Variants in CELF4 observed in about 807,000 individuals in gnomAD.
The protein encoded by CELF4 is CUG-BP- and ETR-3-like factor 4.
A neutral mutation model predicts 59.9 loss-of-function variants in CELF4; 18 were observed. The observed-to-expected ratio is 0.30, with a 90% CI of 0.21 to 0.45. CELF4 has a LOEUF of 0.45. Ranked by LOEUF, CELF4 falls within the 20% of genes least tolerant of loss-of-function variation. The pLI, the probability that CELF4 is intolerant of heterozygous loss-of-function variation, is 1.00. For missense variants in CELF4, 456 were observed against 689.0 expected (o/e 0.66, Z 3.79); for synonymous variants, 261 against 267.1 (o/e 0.98, Z 0.22).
At chr18:37,373,894 G>A (rs755483089) in intron 2 of CELF4, among the ~76,000 whole-genome samples, 8 of 152,202 alleles carry the variant, frequency 5.3e-5, no homozygotes, top group African/African-American at 1.4e-4. Context: ...AGCTGCCTGC[G>A]GACTCCCAGC....
chr18:37,267,487 G>A (rs2078224004), intron 8 of CELF4, among the ~76,000 whole-genome samples: 1 of 152,194 alleles, frequency 6.6e-6, no homozygotes, highest in Non-Finnish European at 1.5e-5. Context: ...ATGTGGGAGT[G>A]GGCTGGCTTT....
intron 1 of CELF4, among the ~76,000 whole-genome samples, chr18:37,495,271 C>G (rs1020472057): frequency 6.6e-6 from 1 of 152,134 alleles, no homozygotes; most frequent in Non-Finnish European, 1.5e-5. Context: ...CCAAAACCAT[C>G]GCTAAATTAC....
chr18:37,468,776 G>C (rs529425714), intron 2 of CELF4, among the ~76,000 whole-genome samples: 7 of 152,232 alleles, frequency 4.6e-5, no homozygotes, highest in African/African-American at 1.4e-4. Flanking sequence ...AGGGGAGAGA[G>C]AGCGAATGAG....
intron 1 of CELF4, among the ~76,000 whole-genome samples, chr18:37,534,928 C>T (rs575710565): frequency 4.6e-5 from 7 of 152,128 alleles, no homozygotes; most frequent in Non-Finnish European, 7.4e-5. Context: ...TGTTCCAGGT[C>T]GTGGAACCCT....
intron 2 of CELF4, among the ~76,000 whole-genome samples, chr18:37,485,230 G>A (rs2099878316): frequency 6.6e-6 from 1 of 151,748 alleles, no homozygotes; most frequent in Non-Finnish European, 1.5e-5. Flanking sequence ...CACGCGGCCC[G>A]CGGGCCCGGC....
chr18:37,268,173 G>A (rs72900328), intron 8 of CELF4, among the ~76,000 whole-genome samples: 5,710 of 152,222 alleles, frequency 0.038, 157 homozygotes, highest in Non-Finnish European at 0.057. Flanking sequence ...AGACCCACGG[G>A]GGCTCTGCTC....
chr18:37,339,243 T>C (rs1252179947), intron 2 of CELF4, among the ~76,000 whole-genome samples: 3 of 152,208 alleles, frequency 2.0e-5, no homozygotes, highest in African/African-American at 4.8e-5. Context: ...ATAATGATGA[T>C]AAATTTTACC....
chr18:37,333,760 G>T (rs200483446), intron 2 of CELF4, among the ~76,000 whole-genome samples: 3 of 144,534 alleles, frequency 2.1e-5, no homozygotes, highest in Non-Finnish European at 4.5e-5. Flanking sequence ...ATCCATCCGT[G>T]CATCCATCCA....
In CELF4 at chr18:37,321,998, C is replaced by G. The variant is rs2097140409; in HGVS notation, c.370-117G>C. ...TACAGACTGCACCCACAGACACGCG[C>G]TCCCACAACATGCTGCTGCAAGCAC... is the stretch of plus-strand genomic sequence containing the variant. On this transcript the variant is annotated intron_variant, in intron 2 of 12. Coordinates refer to ENST00000420428, the MANE Select transcript of CELF4 (RefSeq NM_020180.4). 3 of 679,452 alleles carry G rather than the reference C, an allele frequency of 4.4e-6. No individual in the cohort carries two copies. In the African/African-American group the frequency reaches 5.5e-5, roughly 12 times the overall value. The allele number at this position is 679,452 out of a possible 1,614,324, so 42.1% of individuals were successfully genotyped here.
At chr18:37,485,689 C>T in intron 1 of CELF4, 82 bp from the exon 2 acceptor site, 1 of 792,472 alleles carries the variant, frequency 1.3e-6, no homozygotes, top group Non-Finnish European at 1.8e-6. Context: ...GCCCTCCAGG[C>T]TCCCGCCCCT....
intron 1 of CELF4, among the ~76,000 whole-genome samples, chr18:37,496,728 T>C (rs954234304): frequency 2.0e-5 from 3 of 152,200 alleles, no homozygotes; most frequent in Non-Finnish European, 4.4e-5. Context: ...ATAGAGGGTG[T>C]CTTTCTCTCA....
intron 1 of CELF4, among the ~76,000 whole-genome samples, chr18:37,519,314 C>T (rs1484166812): frequency 6.6e-6 from 1 of 152,082 alleles, no homozygotes; most frequent in Non-Finnish European, 1.5e-5. Context: ...TGGTACTGCT[C>T]TTCTGGACTG....
chr18:37,432,215 C>A (rs2154600808), intron 2 of CELF4, among the ~76,000 whole-genome samples: 1 of 152,324 alleles, frequency 6.6e-6, no homozygotes, highest in South Asian at 2.1e-4. Flanking sequence ...GTGGATCCCA[C>A]CTTCTCTTCT....
At chr18:37,497,003 G>A (rs1023872752) in intron 1 of CELF4, among the ~76,000 whole-genome samples, 1 of 152,148 alleles carries the variant, frequency 6.6e-6, no homozygotes, top group Non-Finnish European at 1.5e-5. Context: ...TCCTGGGAAG[G>A]GCTAGAGCTA....
chr18:37,282,597 A>T (rs1356192520), intron 3 of CELF4, among the ~76,000 whole-genome samples: 1 of 152,142 alleles, frequency 6.6e-6, no homozygotes, highest in Non-Finnish European at 1.5e-5. Context: ...GGCAGCATAC[A>T]GCAGCAGAAC....
chr18:37,526,844 A>G (rs534851901), intron 1 of CELF4, among the ~76,000 whole-genome samples: 47 of 149,208 alleles, frequency 3.1e-4, no homozygotes, highest in African/African-American at 1.1e-3. Context: ...GGGCTGTGGG[A>G]CCTTGGGTAA....
intron 1 of CELF4, among the ~76,000 whole-genome samples, chr18:37,534,629 C>T (rs774497854): frequency 1.1e-4 from 17 of 152,084 alleles, no homozygotes; most frequent in Non-Finnish European, 2.4e-4. Flanking sequence ...TGCATTCAAC[C>T]GACGAACTTC....
intron 8 of CELF4, among the ~76,000 whole-genome samples, chr18:37,268,288 G>A (rs755594904): frequency 2.6e-5 from 4 of 152,134 alleles, no homozygotes; most frequent in East Asian, 1.9e-4. Flanking sequence ...AGAGACTGGC[G>A]CTGAGGGCTC....
At chr18:37,394,085 G>A (rs1487973515) in intron 2 of CELF4, among the ~76,000 whole-genome samples, 5 of 152,152 alleles carry the variant, frequency 3.3e-5, no homozygotes, top group Non-Finnish European at 7.4e-5. Flanking sequence ...GCTGGGCTCC[G>A]AGACCCGCGG....
Sources: gnomAD v4.1 joint callset for allele counts (sites outside exome capture counted in the v4.1 genomes callset) on GRCh38, gnomAD v4.1.1 for gene constraint, MANE v1.5 for transcripts, NCBI Gene and HGNC (gene_info 2026-07-23, HGNC 2026-07-21) for gene names.